Variants in CNTLN observed in about 807,000 individuals in gnomAD.
The protein encoded by CNTLN is centlein, centrosomal protein.
CNTLN carries 212 observed loss-of-function variants against 180.0 expected under a neutral mutation model. The ratio of observed to expected loss-of-function variants is 1.18; its 90% CI spans 1.05 to 1.32. The LOEUF (loss-of-function observed/expected upper bound fraction) is 1.32, where lower values mean the gene tolerates loss of function less well. Among genes scored for constraint, CNTLN ranks in the 40% most tolerant of loss-of-function variants. The pLI, the probability that CNTLN is intolerant of heterozygous loss-of-function variation, is 0.00. For missense variants in CNTLN, 2,095 were observed against 1,610.9 expected, an observed-to-expected ratio of 1.30 and a Z score of -5.14; for synonymous variants, 722 against 563.1, an observed-to-expected ratio of 1.28 and a Z score of -3.99.
At chr9:17,312,362 TATTATA>T (rs961185309) in intron 8 of CNTLN, among the ~76,000 whole-genome samples, 655 of 16,514 alleles carry the variant, frequency 0.04, 12 homozygotes, top group African/African-American at 0.079. Context: ...TATATATATA[TATTATA>T]TATATATATA....
chr9:17,139,713 T>C (rs1817957451), intron 1 of CNTLN, among the ~76,000 whole-genome samples: 1 of 152,128 alleles, frequency 6.6e-6, no homozygotes, highest in African/African-American at 2.4e-5. Context: ...ATTTTTTGTT[T>C]TCATTTTATT....
At chr9:17,216,291 T>G (rs1034260708) in intron 2 of CNTLN, among the ~76,000 whole-genome samples, 2 of 152,200 alleles carry the variant, frequency 1.3e-5, no homozygotes, top group African/African-American at 4.8e-5. Context: ...TGTGTAAATT[T>G]TGAAGATGTG....
At chr9:17,258,033 C>T (rs1826645013) in intron 5 of CNTLN, among the ~76,000 whole-genome samples, 1 of 150,818 alleles carries the variant, frequency 6.6e-6, no homozygotes, top group Admixed American at 6.6e-5. Context: ...TTTGTTGTTT[C>T]AGACATGAAG....
At position 17,409,578 on chromosome 9, in the gene CNTLN, A is replaced by G. The variant is rs1197514777; in HGVS notation, c.2796+105A>G. The G allele has an allele frequency of 4.8e-6, 4 of 825,368 alleles. No individual in the cohort carries two copies. The African/African-American group carries it at 5.3e-5, about 11-fold the overall frequency. The allele number at this position is 825,368 out of a possible 1,614,324, so 51.1% of individuals were successfully genotyped here. A position where few individuals can be genotyped will look rare whatever the true frequency, so the allele number is the denominator to read the frequency against. Reference sequence around the variant, plus strand: ...TACTACTGATTTAATTTGAATTCTTACAAGTTAAGTCTTTAAAATATACAG... The same window carrying G: ...TACTACTGATTTAATTTGAATTCTTGCAAGTTAAGTCTTTAAAATATACAG... On this transcript the variant is annotated intron_variant, in intron 16 of 25. Transcript: ENST00000380647.
chr9:17,491,902 TATACTACTAGCC>T (rs1244119629), intron 25 of CNTLN, among the ~76,000 whole-genome samples: 5,861 of 152,112 alleles, frequency 0.039, 381 homozygotes, highest in African/African-American at 0.13. Context: ...GTAAATAGAA[TATACTACTAGCC>T]TGAAGGTTAA....
chr9:17,308,801 C>T (rs935909851), intron 7 of CNTLN, among the ~76,000 whole-genome samples: 3 of 151,682 alleles, frequency 2.0e-5, no homozygotes, highest in Admixed American at 6.6e-5. Flanking sequence ...GCTAATAATA[C>T]ATATTGCCTT....
intron 12 of CNTLN, among the ~76,000 whole-genome samples, chr9:17,363,483 C>T (rs767148773): frequency 6.6e-6 from 1 of 151,616 alleles, no homozygotes; most frequent in African/African-American, 2.4e-5. Context: ...GACTTTCTTG[C>T]CTTTGATTTG....
At chr9:17,358,506 C>A (rs549443738) in intron 12 of CNTLN, among the ~76,000 whole-genome samples, 1 of 152,118 alleles carries the variant, frequency 6.6e-6, no homozygotes, top group African/African-American at 2.4e-5. Context: ...CACATGTAGA[C>A]GTACACGTGT....
intron 2 of CNTLN, among the ~76,000 whole-genome samples, chr9:17,221,709 A>G (rs1344672933): frequency 1.3e-5 from 2 of 151,958 alleles, no homozygotes; most frequent in Admixed American, 6.6e-5. Flanking sequence ...CCTGTTCATC[A>G]TCCTATTTTT....
At chr9:17,150,775 T>C (rs1235539992) in intron 2 of CNTLN, among the ~76,000 whole-genome samples, 1 of 152,186 alleles carries the variant, frequency 6.6e-6, no homozygotes, top group Non-Finnish European at 1.5e-5. Flanking sequence ...ATTCTTCCTA[T>C]CCGTGAGCAT....
At chr9:17,511,393 T>C in the CNTLN span, among the ~76,000 whole-genome samples, 3 of 152,182 alleles carry the variant, frequency 2.0e-5, no homozygotes, top group African/African-American at 7.2e-5. Flanking sequence ...TTTGGGCCAG[T>C]GTCTGTGGAT....
chr9:17,421,850 C>A (rs759790080), intron 18 of CNTLN, among the ~76,000 whole-genome samples: 1 of 152,038 alleles, frequency 6.6e-6, no homozygotes, highest in Non-Finnish European at 1.5e-5. Context: ...CAAAGAGAAA[C>A]CTAATATACA....
At chr9:17,394,088 G>A (rs1054976855) in intron 14 of CNTLN, among the ~76,000 whole-genome samples, 1 of 152,052 alleles carries the variant, frequency 6.6e-6, no homozygotes, top group Admixed American at 6.6e-5. Context: ...TAGAAAAAAA[G>A]CAGCCTCAGT....
chr9:17,197,347 T>C (rs1822199055), intron 2 of CNTLN, among the ~76,000 whole-genome samples: 1 of 152,218 alleles, frequency 6.6e-6, no homozygotes, highest in Non-Finnish European at 1.5e-5. Context: ...AGTGAGATGA[T>C]ATCTCATTGT....
chr9:17,478,109 G>A (rs1832450139), intron 23 of CNTLN, among the ~76,000 whole-genome samples: 1 of 152,138 alleles, frequency 6.6e-6, no homozygotes. Context: ...ATGATCATTA[G>A]CATTTTTAAT....
chr9:17,222,261 C>G (rs748694622), intron 2 of CNTLN, among the ~76,000 whole-genome samples: 13 of 152,152 alleles, frequency 8.5e-5, no homozygotes, highest in East Asian at 1.9e-4. Context: ...TGAACTCACT[C>G]TAATTAGGCT....
At chr9:17,249,106 A>G (rs915947875) in intron 5 of CNTLN, among the ~76,000 whole-genome samples, 1 of 151,762 alleles carries the variant, frequency 6.6e-6, no homozygotes, top group Non-Finnish European at 1.5e-5. Context: ...TCTATGTTTG[A>G]GTTTAGTTTG....
chr9:17,435,979 C>A (rs1587987157), intron 18 of CNTLN, among the ~76,000 whole-genome samples: 2 of 152,078 alleles, frequency 1.3e-5, no homozygotes, highest in South Asian at 4.2e-4. Context: ...TGTGGCTGTG[C>A]CTCTAGGCTA....
At chr9:17,266,212 T>C (rs987104851) in intron 5 of CNTLN, among the ~76,000 whole-genome samples, 4 of 152,182 alleles carry the variant, frequency 2.6e-5, no homozygotes, top group Admixed American at 2.0e-4. Context: ...GCTTTGAATG[T>C]GTTCCAGAGA....
Sources: gnomAD v4.1 joint callset for allele counts (sites outside exome capture counted in the v4.1 genomes callset) on GRCh38, gnomAD v4.1.1 for gene constraint, MANE v1.5 for transcripts, NCBI Gene and HGNC (gene_info 2026-07-23, HGNC 2026-07-21) for gene names.